HSD3B2: variants seen among roughly 807,000 people sequenced by gnomAD.
The protein encoded by HSD3B2 is 3 beta-hydroxysteroid dehydrogenase/Delta 5-->4-isomerase type 2.
Under a neutral mutation model 9.9 loss-of-function variants are expected in HSD3B2, and 8 were observed. The observed-to-expected ratio is 0.81, with a 90% CI of 0.47 to 1.46. The LOEUF is 1.46. HSD3B2 is among the 40% of genes most tolerant of loss of function. HSD3B2 has a pLI of 0.00. For missense variants in HSD3B2, 410 were observed against 448.3 expected, an observed-to-expected ratio of 0.91 and a Z score of 0.77; for synonymous variants, 221 against 184.5, an observed-to-expected ratio of 1.20 and a Z score of -1.60.
chr1:119,421,389 A>ATG (rs1393791797), intron 3 of HSD3B2, among the ~76,000 whole-genome samples: 2 of 107,584 alleles, frequency 1.9e-5, no homozygotes, highest in Non-Finnish European at 3.8e-5. Context: ...ATATATATAT[A>ATG]TGTATATATA....
At chr1:119,415,899 G>A (rs187103569) in intron 2 of HSD3B2, among the ~76,000 whole-genome samples, 52 of 152,232 alleles carry the variant, frequency 3.4e-4, no homozygotes, top group Admixed American at 2.7e-3. Flanking sequence ...ATTGCTGTGC[G>A]ACATTCACAA....
At chr1:119,421,464 T>TAC (rs1207933236) in intron 3 of HSD3B2, among the ~76,000 whole-genome samples, 2 of 21,832 alleles carry the variant, frequency 9.2e-5, no homozygotes, top group African/African-American at 2.5e-4. Context: ...TATATATATA[T>TAC]GTATATATAT....
chr1:119,419,420 C>T lies in HSD3B2; in HGVS notation c.145C>T (p.Leu49Phe), dbSNP rs780947714. Residue 49 changes from leucine to phenylalanine, a missense_variant and splice_region_variant, in exon 3 of 4, where the codon CTC (leucine) becomes TTC (phenylalanine). By Grantham distance (22) the Leu-to-Phe change is conservative. Transcript: ENST00000369416. ...TGACCTGACCTGTGTTCACACAGAG[C>T]TCCAGAACAGGACCAAGCTGACTGT... ...RPELREEFSK[L>F]QNRTKLTVLE... 1 of 1,613,722 alleles carries T rather than the reference C, an allele frequency of 6.2e-7. No homozygotes were observed. The highest frequency in any genetic ancestry group is 1.1e-5 in the South Asian group (1 of 91,056).
At position 119,422,661 on chromosome 1, in the gene HSD3B2, A is replaced by G. The variant is rs1557870536; in HGVS notation, c.*41A>G. On this transcript the variant is annotated 3_prime_UTR_variant, in exon 4 of 4. Transcript: ENST00000369416. The stretch of plus-strand genomic sequence containing the variant: ...GATGTGCATGTGGGTATTGTTAGGA[A>G]ATGTCATCAAACTCCACCCACCTGG... 6.2e-7 allele frequency: 1 copy of G among 1,608,632 alleles called. No individual in the cohort carries two copies. Among genetic ancestry groups the G allele is most frequent in the Non-Finnish European group, 8.5e-7 (1 of 1,178,012 alleles).
Position 119,421,893 on chromosome 1 carries a change from A to G in HSD3B2, c.392A>G (p.Asn131Ser), listed in dbSNP as rs1439748962. 1 of 1,613,890 alleles carries G rather than the reference A, an allele frequency of 6.2e-7. No homozygotes were observed. The highest frequency in any genetic ancestry group is 8.5e-7 in the Non-Finnish European group (1 of 1,179,942). The change falls in exon 4 of 4, where the codon AAC (asparagine) becomes AGC (serine). Residue 131 changes from asparagine (N) to serine (S), a missense_variant. Coordinates refer to ENST00000369416, the MANE Select transcript of HSD3B2 (RefSeq NM_000198.4). ...YTSSIEVAGP[N>S]SYKEIIQNGH... ...AGTAGCATAGAGGTAGCCGGGCCCA[A>G]CTCCTACAAGGAAATCATCCAGAAC...
Position 119,421,990 on chromosome 1 carries a change from G to A in HSD3B2, c.489G>A (p.Lys163=). The A allele has an allele frequency of 1.2e-6, 2 of 1,614,086 alleles. No individual in the cohort carries two copies. Among genetic ancestry groups the A allele is most frequent in the Non-Finnish European group, 1.7e-6 (2 of 1,179,996 alleles). ...PYPYSKKLAE[K]AVLAANGWNL... is the part of the protein sequence containing the mutation. ...CGTACAGCAAAAAGCTTGCTGAGAA[G>A]GCTGTGCTGGCGGCTAATGGGTGGA... Residue 163 remains lysine, a synonymous_variant, in exon 4 of 4, where the codon AAG becomes AAA. Coordinates refer to ENST00000369416, the MANE Select transcript of HSD3B2 (RefSeq NM_000198.4).
intron 3 of HSD3B2, 119 bp from the exon 4 acceptor site, chr1:119,421,690 C>G (rs1176046694): frequency 3.5e-6 from 4 of 1,139,464 alleles, no homozygotes; most frequent in Non-Finnish European, 1.3e-6. Flanking sequence ...AAGAATGCAC[C>G]CTGAGTCTGT....
chr1:119,418,492 CTT>C lies in HSD3B2; in HGVS notation c.143-924_143-923del, dbSNP rs1651767693. ...ACCCTGGTTCCAGTCCTCATCTAAA[CTT>C]TGGCACAGACATTCTGATTAATCTC... On this transcript the variant is annotated intron_variant, in intron 2 of 3. Coordinates refer to ENST00000369416, the MANE Select transcript of HSD3B2 (RefSeq NM_000198.4). 3.9e-5 allele frequency among the ~76,000 whole-genome samples: 6 copies of C among 152,174 alleles called. 1 individual carries two copies. In the South Asian group the frequency reaches 1.2e-3, roughly 32 times the overall value.
At chr1:119,421,489 TTTATA>T (rs1392339748) in intron 3 of HSD3B2, among the ~76,000 whole-genome samples, 8,014 of 60,790 alleles carry the variant, frequency 0.13, 552 homozygotes, top group South Asian at 0.25. Context: ...ATATATATAT[TTTATA>T]ATATATATAT....
rs587679988 is a variant in HSD3B2, at chr1:119,422,902, T to C, written c.*282T>C. 2 of 531,924 alleles carry C rather than the reference T, an allele frequency of 3.8e-6. No individual in the cohort carries two copies. The highest frequency in any genetic ancestry group is 3.4e-6 in the Non-Finnish European group (1 of 296,416). 33.0% of individuals were successfully genotyped at this position (531,924 alleles called of 1,614,324 possible). A position where few individuals can be genotyped will look rare whatever the true frequency, so the allele number is the denominator to read the frequency against. ...CTGAACAATTGTGGTCTCTCTTAACTTGAGGTTCTCTTTTGACTAATAGAG... is the reference window on the plus strand; with the variant it reads ...CTGAACAATTGTGGTCTCTCTTAACCTGAGGTTCTCTTTTGACTAATAGAG... On this transcript the variant is annotated 3_prime_UTR_variant, in exon 4 of 4. Coordinates refer to ENST00000369416, the MANE Select transcript of HSD3B2 (RefSeq NM_000198.4).
chr1:119,418,849 G>T (rs1231110376), intron 2 of HSD3B2, among the ~76,000 whole-genome samples: 2 of 151,770 alleles, frequency 1.3e-5, no homozygotes, highest in African/African-American at 2.4e-5. Context: ...ACAGGGTTTT[G>T]CCATGTTTTC....
At chr1:119,419,610 C>A in intron 3 of HSD3B2, 28 bp downstream of exon 3, 1 of 1,608,742 alleles carries the variant, frequency 6.2e-7, no homozygotes, top group Non-Finnish European at 8.5e-7. Context: ...GGAGATAAAA[C>A]AAGTTGGTTA....
chr1:119,421,493 TAA>T (rs1557869622), intron 3 of HSD3B2, among the ~76,000 whole-genome samples: 5 of 59,658 alleles, frequency 8.4e-5, no homozygotes, highest in African/African-American at 1.4e-4. Context: ...ATATATTTTA[TAA>T]TATATATATA....
At position 119,419,428 on chromosome 1, in the gene HSD3B2, C is replaced by T; in HGVS notation, c.153C>T (p.Asn51=). The T allele has an allele frequency of 6.2e-7, 1 of 1,613,708 alleles. No individual in the cohort carries two copies. The highest frequency in any genetic ancestry group is 8.5e-7 in the Non-Finnish European group (1 of 1,179,766). ...CCTGTGTTCACACAGAGCTCCAGAA[C>T]AGGACCAAGCTGACTGTACTTGAAG... ...ELREEFSKLQ[N]RTKLTVLEGD... is the part of the protein sequence containing the mutation. Residue 51 remains asparagine, a synonymous_variant, in exon 3 of 4, where the codon AAC becomes AAT. Transcript: ENST00000369416.
chr1:119,421,249 C>T (rs780448194), intron 3 of HSD3B2, among the ~76,000 whole-genome samples: 1 of 151,316 alleles, frequency 6.6e-6, no homozygotes, highest in Non-Finnish European at 1.5e-5. Context: ...GTATAGCCTC[C>T]TGATTTTTTA....
chr1:119,418,624 TTATTAC>T (rs1191293322), intron 2 of HSD3B2, among the ~76,000 whole-genome samples: 5,133 of 92,928 alleles, frequency 0.055, 202 homozygotes, highest in African/African-American at 0.18. Flanking sequence ...TCTTTTATTA[TTATTAC>T]TATTATTATT....
At position 119,415,448 on chromosome 1, in the gene HSD3B2, C is replaced by A. The variant is rs28934880; in HGVS notation, c.29C>A (p.Ala10Glu). The A allele has an allele frequency of 1.1e-5, 17 of 1,613,774 alleles. No homozygotes were observed. Among genetic ancestry groups the A allele is most frequent in the Non-Finnish European group, 1.4e-5 (17 of 1,179,896 alleles). MGWSCLVTG[A>E]GGLLGQRIVR... The stretch of plus-strand genomic sequence containing the variant: ...GGCTGGAGCTGCCTTGTGACAGGAG[C>A]AGGAGGGCTTCTGGGTCAGAGGATC... Residue 10 changes from alanine to glutamate, a missense_variant, in exon 2 of 4, where the codon GCA (alanine) becomes GAA (glutamate). Physicochemically the swap from Ala to Glu is moderately radical, Grantham distance 107. Coordinates refer to ENST00000369416, the MANE Select transcript of HSD3B2 (RefSeq NM_000198.4).
Position 119,421,903 on chromosome 1 carries a change from G to A in HSD3B2, c.402G>A (p.Lys134=). The A allele has an allele frequency of 6.2e-7, 1 of 1,613,998 alleles. No individual in the cohort carries two copies. Among genetic ancestry groups the A allele is most frequent in the Non-Finnish European group, 8.5e-7 (1 of 1,179,972 alleles). Residue 134 remains lysine, a synonymous_variant, in exon 4 of 4, where the codon AAG becomes AAA. Coordinates refer to ENST00000369416, the MANE Select transcript of HSD3B2 (RefSeq NM_000198.4). ...AGGTAGCCGGGCCCAACTCCTACAAGGAAATCATCCAGAACGGCCACGAAG... is the reference window on the plus strand; with the variant it reads ...AGGTAGCCGGGCCCAACTCCTACAAAGAAATCATCCAGAACGGCCACGAAG... ...SIEVAGPNSY[K]EIIQNGHEEE...
At chr1:119,420,199 C>T (rs1002763129) in intron 3 of HSD3B2, among the ~76,000 whole-genome samples, 1 of 152,176 alleles carries the variant, frequency 6.6e-6, no homozygotes, top group Non-Finnish European at 1.5e-5. Context: ...ACAGGGTCTA[C>T]TATTACAGAG....
Sources: allele counts gnomAD v4.1 joint callset (sites outside exome capture counted in the v4.1 genomes callset), GRCh38; gene constraint gnomAD v4.1.1; transcripts MANE v1.5; gene names NCBI Gene and HGNC (gene_info 2026-07-23, HGNC 2026-07-21).